REPS1: variants seen among roughly 807,000 people sequenced by gnomAD.
REPS1 encodes the protein ralBP1-associated Eps domain-containing protein 1.
REPS1 carries 39 observed loss-of-function variants against 100.9 expected under a neutral mutation model. The observed-to-expected ratio is 0.39, with a 90% CI of 0.30 to 0.50. The LOEUF (loss-of-function observed/expected upper bound fraction) is 0.50. REPS1 is among the 20% of genes least tolerant of loss of function. The probability of loss-of-function intolerance (pLI) is 0.86; values close to 1 mark genes in which losing one functional copy is unlikely to be tolerated. For synonymous variants in REPS1, 324 were observed against 340.3 expected, an observed-to-expected ratio of 0.95 and a Z score of 0.53; for missense variants, 821 against 968.5, an observed-to-expected ratio of 0.85 and a Z score of 2.02.
At chr6:138,967,954 A>T (rs1291004669) in intron 1 of REPS1, among the ~76,000 whole-genome samples, 1 of 152,222 alleles carries the variant, frequency 6.6e-6, no homozygotes, top group Non-Finnish European at 1.5e-5. Flanking sequence ...ACTAAGGCTC[A>T]GAGCAGTTAA....
At chr6:138,943,642 G>T in intron 6 of REPS1, 66 bp from the exon 7 acceptor site, 1 of 1,260,332 alleles carries the variant, frequency 7.9e-7, no homozygotes, top group Non-Finnish European at 1.1e-6. Context: ...CAGAATGTAA[G>T]AGTCTTAGAC....
chr6:138,908,837 T>C, intron 17 of REPS1, 21 bp from the exon 18 acceptor site: 1 of 1,608,120 alleles, frequency 6.2e-7, no homozygotes, highest in Non-Finnish European at 8.5e-7. Context: ...AGAATTCCAT[T>C]AATAATAAGC....
Position 138,980,775 on chromosome 6 carries a change from C to A in REPS1, c.153+6755G>T, listed in dbSNP as rs561227728. Among the ~76,000 whole-genome samples, 6 of 144,724 alleles carry A rather than the reference C, an allele frequency of 4.1e-5. No individual in the cohort carries two copies. The South Asian group carries it at 1.4e-3, about 33-fold the overall frequency. 94.9% of individuals were successfully genotyped at this position (144,724 alleles called of 152,430 possible). A position where few individuals can be genotyped will look rare whatever the true frequency, so the allele number is the denominator to read the frequency against. Reference sequence around the variant, plus strand: ...TTACTATGTCTCATTGCAGCCTCAACTTCCCAGGCTCAAGTGATCCTCCTG... The same window carrying A: ...TTACTATGTCTCATTGCAGCCTCAAATTCCCAGGCTCAAGTGATCCTCCTG... On this transcript the variant is annotated intron_variant, in intron 1 of 19. Coordinates refer to ENST00000450536, the MANE Select transcript of REPS1 (RefSeq NM_001286611.2).
chr6:138,949,727 T>TAAA (rs56804604), intron 1 of REPS1, among the ~76,000 whole-genome samples: 1 of 149,204 alleles, frequency 6.7e-6, no homozygotes, highest in African/African-American at 2.5e-5. Flanking sequence ...CTCCATCTCA[T>TAAA]AAAAAAAAAA....
In REPS1 at chr6:138,914,704, G is replaced by A; in HGVS notation, c.1778C>T (p.Pro593Leu). The A allele has an allele frequency of 6.2e-7, 1 of 1,613,104 alleles. No individual in the cohort carries two copies. The highest frequency in any genetic ancestry group is 8.5e-7 in the Non-Finnish European group (1 of 1,179,156). The change falls in exon 15 of 20, where the codon CCC becomes CTC. Residue 593 changes from proline to leucine, a missense_variant. By Grantham distance (98) the Pro-to-Leu change is moderately conservative. Around this residue, in one of 3 missense-constraint regions of REPS1, gnomAD observed 757 missense variants for 866.4 expected, o/e 0.87. Coordinates refer to ENST00000450536, the MANE Select transcript of REPS1 (RefSeq NM_001286611.2). ...HPPAVPPRPQ[P>L]SQAPGPAVHR... ...AATACCTTGGAGAATTACCTGTGAG[G>A]GCTGTGGTCTTGGAGGCACTGCAGG...
intron 16 of REPS1, among the ~76,000 whole-genome samples, chr6:138,911,919 C>T (rs1429827941): frequency 1.3e-5 from 2 of 152,082 alleles, no homozygotes; most frequent in East Asian, 1.9e-4. Context: ...GCCACTGCAC[C>T]GAACCTCTAA....
intron 1 of REPS1, among the ~76,000 whole-genome samples, chr6:138,972,702 A>T (rs940177502): frequency 3.6e-5 from 5 of 140,636 alleles, no homozygotes; most frequent in Non-Finnish European, 6.2e-5. Flanking sequence ...AAAAAAAAAA[A>T]TTTAAGAGAA....
At chr6:138,984,475 G>A (rs187709816) in intron 1 of REPS1, among the ~76,000 whole-genome samples, 2 of 152,268 alleles carry the variant, frequency 1.3e-5, no homozygotes. Flanking sequence ...CATAATGCTT[G>A]TGGAGGCTGT....
chr6:138,905,586 CG>C (rs1779593824), intron 19 of REPS1, among the ~76,000 whole-genome samples: 1 of 151,810 alleles, frequency 6.6e-6, no homozygotes, highest in African/African-American at 2.4e-5. Context: ...CCACCGCGCC[CG>C]GCTGAAATGT....
chr6:138,969,311 C>A (rs559457201), intron 1 of REPS1, among the ~76,000 whole-genome samples: 10 of 100,108 alleles, frequency 1.0e-4, no homozygotes, highest in Admixed American at 5.8e-4. Flanking sequence ...ATAGCTCTCG[C>A]TCTGTCTCCC....
chr6:138,957,630 C>A (rs1363017118), intron 1 of REPS1, among the ~76,000 whole-genome samples: 1 of 152,034 alleles, frequency 6.6e-6, no homozygotes, highest in Non-Finnish European at 1.5e-5. Flanking sequence ...GCTATGCAAC[C>A]GGCCTACAGA....
intron 10 of REPS1, among the ~76,000 whole-genome samples, chr6:138,925,849 C>T (rs1308135333): frequency 6.6e-6 from 1 of 152,126 alleles, no homozygotes; most frequent in Admixed American, 6.6e-5. Context: ...TTCAAAGCAA[C>T]ACAGTAAGCC....
chr6:138,942,662 G>A (rs753587162), intron 7 of REPS1, among the ~76,000 whole-genome samples: 5 of 151,834 alleles, frequency 3.3e-5, no homozygotes, highest in Non-Finnish European at 7.4e-5. Flanking sequence ...GGCTGGTCTT[G>A]AACTCCTGGG....
rs2128418684 is a variant in REPS1, at chr6:138,905,143, T to C, written c.2323-11A>G. The C allele has an allele frequency of 2.6e-6, 4 of 1,532,376 alleles. No individual in the cohort carries two copies. Among genetic ancestry groups the C allele is most frequent in the South Asian group, 1.1e-5 (1 of 89,278 alleles). The allele number at this position is 1,532,376 out of a possible 1,614,324, so 94.9% of individuals were successfully genotyped here. ...CTCCTCAAGAACATCCTGAAAAAGA[T>C]GCAAAGGCCAAGTTATGTTTCAAAG... On this transcript the variant is annotated splice_polypyrimidine_tract_variant and intron_variant, in intron 19 of 19. Transcript: ENST00000450536.
At chr6:138,941,963 C>G (rs1180946917) in intron 7 of REPS1, among the ~76,000 whole-genome samples, 9 of 152,198 alleles carry the variant, frequency 5.9e-5, no homozygotes, top group Admixed American at 3.3e-4. Flanking sequence ...ACTGCAACCT[C>G]CACCTCCTGG....
intron 1 of REPS1, among the ~76,000 whole-genome samples, chr6:138,968,572 T>C (rs1252375174): frequency 6.6e-6 from 1 of 152,220 alleles, no homozygotes; most frequent in Non-Finnish European, 1.5e-5. Context: ...AATTCTGCCA[T>C]GTTCATGGAC....
In REPS1 at chr6:138,908,778, A is replaced by G. The variant is rs1483097161; in HGVS notation, c.2106T>C (p.Pro702=). Residue 702 remains proline, a synonymous_variant, in exon 18 of 20, where the codon CCT becomes CCC. Coordinates refer to ENST00000450536, the MANE Select transcript of REPS1 (RefSeq NM_001286611.2). ...CTTCTGATTTTAATCTTCTTCGAAC[A>G]GGTTTAGGTGGTGGAGCAAGTGGTG... is the stretch of plus-strand genomic sequence containing the variant. ...GTTPLAPPPK[P]VRRRLKSEDE... The G allele has an allele frequency of 7.4e-6, 12 of 1,613,994 alleles. No individual in the cohort carries two copies. The highest frequency in any genetic ancestry group is 1.1e-5 in the South Asian group (1 of 91,070).
chr6:138,935,514 C>T (rs1781748879), intron 8 of REPS1, among the ~76,000 whole-genome samples: 1 of 152,034 alleles, frequency 6.6e-6, no homozygotes, highest in African/African-American at 2.4e-5. Flanking sequence ...GGAGCTTTGT[C>T]TTAAAAATCT....
At chr6:138,959,472 T>TTA (rs1783601411) in intron 1 of REPS1, among the ~76,000 whole-genome samples, 1 of 151,590 alleles carries the variant, frequency 6.6e-6, no homozygotes, top group African/African-American at 2.4e-5. Flanking sequence ...ATGAATGAGT[T>TTA]TAATAAAATG....
Sources: allele counts gnomAD v4.1 joint callset (sites outside exome capture counted in the v4.1 genomes callset), GRCh38; gene constraint gnomAD v4.1.1; regional missense constraint gnomAD v4.1.1; transcripts MANE v1.5; gene names NCBI Gene and HGNC (gene_info 2026-07-23, HGNC 2026-07-21).